Variants in TRMU observed in about 807,000 individuals in gnomAD.
TRMU encodes the protein tRNA mitochondrial 2-thiouridylase, also known as mitochondrial tRNA-specific 2-thiouridylase 1.
In TRMU, 49 loss-of-function variants were observed where a neutral mutation model predicts 46.9. The observed-to-expected ratio is 1.05, with a 90% CI of 0.83 to 1.33. The LOEUF (loss-of-function observed/expected upper bound fraction) is 1.33, where lower values mean the gene tolerates loss of function less well. TRMU is among the 40% of genes most tolerant of loss of function. The pLI is 0.00. For missense variants in TRMU, 572 were observed against 532.4 expected (o/e 1.07, Z -0.73); for synonymous variants, 241 against 200.9 (o/e 1.20, Z -1.69).
Position 46,337,837 on chromosome 22 carries a change from C to G in TRMU, c.141C>G (p.Val47=). The change falls in exon 2 of 11, where the codon GTC becomes GTG. Residue 47 remains valine (V), a synonymous_variant. Transcript: ENST00000645190. ...GGGACTCACTGGATGAACATGGGGT[C>G]TGTACTGCCGACAAAGACTGTGAAG... ...KNWDSLDEHG[V]CTADKDCEDA... is the part of the protein sequence containing the mutation. The G allele has an allele frequency of 6.2e-7, 1 of 1,614,224 alleles. No individual in the cohort carries two copies.
At chr22:46,355,067 CCT>C (rs1432466578) in intron 8 of TRMU, 15 of 341,418 alleles carry the variant, frequency 4.4e-5, no homozygotes, top group Admixed American at 8.6e-5. Context: ...GTGGCTGGCC[CCT>C]GTCCCTGCGA....
rs889318589 is a variant in TRMU at position 46,338,974 on chromosome 22, CT to C, written c.248+1037del. Among the ~76,000 whole-genome samples the C allele has an allele frequency of 3.3e-5, 5 of 152,050 alleles. No individual in the cohort carries two copies. The highest frequency in any genetic ancestry group is 1.2e-4 in the African/African-American group (5 of 41,370). ...TGTTTTTTTAATTGAAAAAAATTCT[CT>C]TTTTTTCCTGCCAACAAAGACCCAG... On this transcript the variant is annotated intron_variant, in intron 2 of 10. Transcript: ENST00000645190. The surrounding 1 kb of genome is among the most constrained non-coding windows in gnomAD (Gnocchi z 4.5).
At chr22:46,337,623 C>T (rs1402216736) in intron 1 of TRMU, among the ~76,000 whole-genome samples, 156 bp from the exon 2 acceptor site, 5 of 152,174 alleles carry the variant, frequency 3.3e-5, no homozygotes, top group Non-Finnish European at 5.9e-5. Flanking sequence ...GAAACCGGAT[C>T]CCTGAAGCCA....
chr22:46,356,783 C>T, intron 10 of TRMU, 59 bp from the exon 11 acceptor site: 1 of 1,601,562 alleles, frequency 6.2e-7, no homozygotes, highest in Non-Finnish European at 8.5e-7. Context: ...CACTCTGCCC[C>T]TGCCTGCCCT....
intron 10 of TRMU, 65 bp downstream of exon 10, chr22:46,356,137 G>C: frequency 6.3e-7 from 1 of 1,579,536 alleles, no homozygotes; most frequent in East Asian, 2.2e-5. Flanking sequence ...CAGGGCACCC[G>C]GGTTACAGAG....
intron 1 of TRMU, among the ~76,000 whole-genome samples, chr22:46,337,086 G>C (rs1408009193): frequency 6.6e-6 from 1 of 152,198 alleles, no homozygotes; most frequent in Non-Finnish European, 1.5e-5. Context: ...GCGTGTGGTG[G>C]TGTAGTTTTG....
At chr22:46,345,438 T>C (rs774999618) in intron 3 of TRMU, among the ~76,000 whole-genome samples, 3 of 152,214 alleles carry the variant, frequency 2.0e-5, no homozygotes, top group Non-Finnish European at 4.4e-5. Context: ...TTAGGCTCTT[T>C]GGCTTTGTGT....
rs761616671 is a variant in TRMU at position 46,353,739 on chromosome 22, G to C, written c.773-28G>C. ...CATGTGGGCTGTAACTTGTTGCCCA[G>C]CCTCATGGAGAAACTGTCTTTCTGT... On this transcript the variant is annotated intron_variant, in intron 7 of 10. Transcript: ENST00000645190. The C allele has an allele frequency of 9.3e-6, 15 of 1,608,848 alleles. No individual in the cohort carries two copies. In the South Asian group the frequency reaches 1.5e-4, roughly 17 times the overall value.
In TRMU at chr22:46,347,507, T is replaced by G. The variant is rs925714640; in HGVS notation, c.478+963T>G. ...AGCTGGGACCACAGGTGTGCGCCAC[T>G]ATGCTCGGCTTTTTCATTTTTTGTA... is the stretch of plus-strand genomic sequence containing the variant. On this transcript the variant is annotated intron_variant, in intron 4 of 10. Transcript: ENST00000645190. The surrounding 1 kb of genome is among the most constrained non-coding windows in gnomAD (Gnocchi z 5.0). The G allele has an allele frequency of 6.6e-6, 1 of 151,870 alleles. No individual in the cohort carries two copies. The highest frequency in any genetic ancestry group is 1.5e-5 in the Non-Finnish European group (1 of 67,986). 9.4% of individuals were successfully genotyped at this position (151,870 alleles called of 1,614,324 possible). A position where few individuals can be genotyped will look rare whatever the true frequency, so the allele number is the denominator to read the frequency against.
At position 46,348,089 on chromosome 22, in the gene TRMU, C is replaced by A. The variant is rs2078306379; in HGVS notation, c.478+1545C>A. 6.6e-6 allele frequency among the ~76,000 whole-genome samples: 1 copy of A among 151,748 alleles called. No individual in the cohort carries two copies. The highest frequency in any genetic ancestry group is 1.9e-4 in the East Asian group (1 of 5,180). ...GTTTGAATGCAGATAAGACAGCCCCCCATTTCAGGAAGACATGGGTTGGAA... is the reference window on the plus strand; with the variant it reads ...GTTTGAATGCAGATAAGACAGCCCCACATTTCAGGAAGACATGGGTTGGAA... On this transcript the variant is annotated intron_variant, in intron 4 of 10. Transcript: ENST00000645190. The surrounding 1 kb of genome is among the most constrained non-coding windows in gnomAD (Gnocchi z 4.8).
Position 46,339,007 on chromosome 22 carries a change from T to TA in TRMU, c.248+1064dup, listed in dbSNP as rs1183766642. On this transcript the variant is annotated intron_variant, in intron 2 of 10. Coordinates refer to ENST00000645190, the MANE Select transcript of TRMU (RefSeq NM_018006.5). The surrounding 1 kb of genome is among the most constrained non-coding windows in gnomAD (Gnocchi z 4.8). ...CCTGCCAACAAAGACCCAGAAGAGA[T>TA]ACTTGACTTTTCTAAGCCCCAATTT... is the stretch of plus-strand genomic sequence containing the variant. Among the ~76,000 whole-genome samples, 1 of 152,168 alleles carries TA rather than the reference T, an allele frequency of 6.6e-6. No homozygotes were observed. Among genetic ancestry groups the TA allele is most frequent in the East Asian group, 1.9e-4 (1 of 5,206 alleles).
Position 46,338,162 on chromosome 22 carries a change from T to C in TRMU, c.248+218T>C. On this transcript the variant is annotated intron_variant, in intron 2 of 10. Transcript: ENST00000645190. The surrounding 1 kb of genome is among the most constrained non-coding windows in gnomAD (Gnocchi z 4.5). ...ACACCCAGCTCTCTCACTCCTGTCA[T>C]TTTGCCACTTGCCTGAAGTCTCTTT... is the stretch of plus-strand genomic sequence containing the variant. 3 of 579,584 alleles carry C rather than the reference T, an allele frequency of 5.2e-6. No homozygotes were observed. The highest frequency in any genetic ancestry group is 3.7e-5 in the South Asian group (2 of 53,590). 35.9% of individuals were successfully genotyped at this position (579,584 alleles called of 1,614,324 possible). A position where few individuals can be genotyped will look rare whatever the true frequency, so the allele number is the denominator to read the frequency against.
rs373642459 is a variant in TRMU, at chr22:46,355,973, C to A, written c.1019-17C>A. 6.2e-7 allele frequency: 1 copy of A among 1,613,662 alleles called. No individual in the cohort carries two copies. Among genetic ancestry groups the A allele is most frequent in the African/African-American group, 1.3e-5 (1 of 75,028 alleles). ...AAAGGCCTGTGCCCCCTCCAAGGGC[C>A]CCTCTCTTCTACCCAGTGCCCTGTG... On this transcript the variant is annotated splice_polypyrimidine_tract_variant and intron_variant, in intron 9 of 10. Transcript: ENST00000645190.
chr22:46,346,599 TG>T, intron 4 of TRMU, 55 bp downstream of exon 4: 3 of 1,585,124 alleles, frequency 1.9e-6, no homozygotes, highest in Non-Finnish European at 2.6e-6. Context: ...TTGAAATCTT[TG>T]GAGGAATGAC....
In TRMU at chr22:46,337,830, A is replaced by C. The variant is rs372279779; in HGVS notation, c.134A>C (p.His45Pro). Reference protein sequence around the residue: ...FMKNWDSLDEHGVCTADKDCE... With the variant: ...FMKNWDSLDEPGVCTADKDCE... Reference sequence around the variant, plus strand: ...AAGAACTGGGACTCACTGGATGAACATGGGGTCTGTACTGCCGACAAAGAC... The same window carrying C: ...AAGAACTGGGACTCACTGGATGAACCTGGGGTCTGTACTGCCGACAAAGAC... Residue 45 changes from histidine to proline, a missense_variant, in exon 2 of 11, where the codon CAT becomes CCT. By Grantham distance (77) the His-to-Pro change is moderately conservative. Coordinates refer to ENST00000645190, the MANE Select transcript of TRMU (RefSeq NM_018006.5). The C allele has an allele frequency of 1.2e-6, 2 of 1,614,132 alleles. No individual in the cohort carries two copies. The highest frequency in any genetic ancestry group is 1.7e-6 in the Non-Finnish European group (2 of 1,180,056).
intron 2 of TRMU, among the ~76,000 whole-genome samples, chr22:46,343,058 T>C (rs2078162815): frequency 6.6e-6 from 1 of 152,246 alleles, no homozygotes; most frequent in Non-Finnish European, 1.5e-5. Flanking sequence ...TGAGCCGTAG[T>C]GGCAGAGAAT....
At chr22:46,344,549 C>G (rs769171315) in intron 3 of TRMU, among the ~76,000 whole-genome samples, 1 of 152,154 alleles carries the variant, frequency 6.6e-6, no homozygotes, top group Admixed American at 6.5e-5. Context: ...AAAGAGTTCC[C>G]TGAGGTGGAG....
Position 46,349,564 on chromosome 22 carries a change from C to T in TRMU, c.479-727C>T, listed in dbSNP as rs1331552664. On this transcript the variant is annotated intron_variant, in intron 4 of 10. Transcript: ENST00000645190. The surrounding 1 kb of genome is among the most constrained non-coding windows in gnomAD (Gnocchi z 4.6). ...AGATTGAAAGAAGCCAGAAAACTGA[C>T]GTTCGTCTTAGTTTTTTGCCATTGA... is the stretch of plus-strand genomic sequence containing the variant. Among the ~76,000 whole-genome samples, 6 of 152,194 alleles carry T rather than the reference C, an allele frequency of 3.9e-5. No individual in the cohort carries two copies. The highest frequency in any genetic ancestry group is 1.4e-4 in the African/African-American group (6 of 41,436).
intron 3 of TRMU, among the ~76,000 whole-genome samples, chr22:46,345,380 T>C (rs2078226411): frequency 6.6e-6 from 1 of 152,156 alleles, no homozygotes. Context: ...GGCCCAAATA[T>C]CTGGAATTTT....
Sources: gnomAD v4.1 joint callset for allele counts (sites outside exome capture counted in the v4.1 genomes callset) on GRCh38, gnomAD v4.1.1 for gene constraint, Gnocchi (gnomAD v3.1) non-coding constraint, MANE v1.5 for transcripts, NCBI Gene and HGNC (gene_info 2026-07-23, HGNC 2026-07-21) for gene names.